Variants in PARP1 observed in about 807,000 individuals in gnomAD.
PARP1 encodes the protein poly(ADP-ribose) polymerase 1.
Under a neutral mutation model 118.7 loss-of-function variants are expected in PARP1, and 44 were observed. The observed-to-expected ratio is 0.37, with a 90% CI of 0.29 to 0.48. The LOEUF (loss-of-function observed/expected upper bound fraction) is 0.48, where lower values mean the gene tolerates loss of function less well. Among genes scored for constraint, PARP1 ranks in the 20% least tolerant of loss-of-function variants. PARP1 has a pLI of 0.99. For missense variants in PARP1, 1,100 were observed against 1,272.4 expected (o/e 0.86, Z 2.06); for synonymous variants, 492 against 483.2 (o/e 1.02, Z -0.24).
chr1:226,382,906 T>A, intron 8 of PARP1, 130 bp downstream of exon 8: 2 of 1,028,962 alleles, frequency 1.9e-6, no homozygotes, highest in Non-Finnish European at 3.0e-6. Context: ...AGGGCAAGGC[T>A]TCCCCATGGT....
At position 226,392,802 on chromosome 1, in the gene PARP1, G is replaced by A. The variant is rs1038789319; in HGVS notation, c.287-488C>T. The A allele has an allele frequency of 3.3e-5, 26 of 782,384 alleles. No individual in the cohort carries two copies. The African/African-American group carries it at 4.5e-4, about 14-fold the overall frequency. 48.5% of individuals were successfully genotyped at this position (782,384 alleles called of 1,614,324 possible). On this transcript the variant is annotated intron_variant, in intron 2 of 22. Transcript: ENST00000366794. ...TAAAGGTATCATTTCAAATTAGTGG[G>A]AAAAGGTTGAATTATTCAATAAAGA... is the stretch of plus-strand genomic sequence containing the variant.
At chr1:226,398,065 T>G (rs1434513029) in intron 2 of PARP1, among the ~76,000 whole-genome samples, 1 of 151,912 alleles carries the variant, frequency 6.6e-6, no homozygotes, top group Non-Finnish European at 1.5e-5. Flanking sequence ...GACACAAAAC[T>G]GTTAAACTTC....
intron 2 of PARP1, among the ~76,000 whole-genome samples, chr1:226,399,001 TAATCCAGAC>T (rs1664976396): frequency 6.6e-6 from 1 of 151,690 alleles, no homozygotes; most frequent in South Asian, 2.1e-4. Context: ...CAAACTGTGG[TAATCCAGAC>T]AATGGAATAT....
At chr1:226,372,032 G>A (rs370913730) in intron 14 of PARP1, among the ~76,000 whole-genome samples, 1 of 152,186 alleles carries the variant, frequency 6.6e-6, no homozygotes, top group East Asian at 1.9e-4. Context: ...GGGGACCCAC[G>A]AGCCCCAGCT....
At chr1:226,370,767 CCT>C (rs1201860229) in intron 14 of PARP1, 2 of 553,092 alleles carry the variant, frequency 3.6e-6, no homozygotes, top group Non-Finnish European at 6.6e-6. Context: ...CTCCTCTGCC[CCT>C]ATGCCCAGTT....
intron 15 of PARP1, among the ~76,000 whole-genome samples, chr1:226,369,405 T>C (rs1312982486): frequency 6.6e-6 from 1 of 152,182 alleles, no homozygotes; most frequent in Non-Finnish European, 1.5e-5. Flanking sequence ...CTGGTAGACC[T>C]TGAAAGATGC....
In PARP1 at chr1:226,406,454, T is replaced by G. The variant is rs1216135314; in HGVS notation, c.120+1356A>C. ...CTTCAAATTGTAGGCCCTGTCTACT[T>G]CCCTATTCTCATCTTTCTGCTCCAC... On this transcript the variant is annotated intron_variant, in intron 1 of 22. Coordinates refer to ENST00000366794, the MANE Select transcript of PARP1 (RefSeq NM_001618.4). Among the ~76,000 whole-genome samples, 3 of 152,168 alleles carry G rather than the reference T, an allele frequency of 2.0e-5. No homozygotes were observed. In the East Asian group the frequency reaches 5.8e-4, roughly 29 times the overall value.
At chr1:226,382,586 G>C (rs1432701516) in intron 8 of PARP1, among the ~76,000 whole-genome samples, 2 of 152,200 alleles carry the variant, frequency 1.3e-5, no homozygotes, top group African/African-American at 4.8e-5. Flanking sequence ...GTGTGCATTA[G>C]CGTGATCATA....
chr1:226,375,307 G>A (rs571270428), intron 13 of PARP1, among the ~76,000 whole-genome samples: 1 of 152,314 alleles, frequency 6.6e-6, no homozygotes, highest in South Asian at 2.1e-4. Context: ...CCCTATTTAA[G>A]TGCATCTACC....
chr1:226,361,302 T>A lies in PARP1; in HGVS notation c.*158A>T, dbSNP rs1664131095. 1.2e-5 allele frequency: 8 copies of A among 694,294 alleles called. No homozygotes were observed. Among genetic ancestry groups the A allele is most frequent in the Non-Finnish European group, 5.4e-6 (2 of 372,392 alleles). The allele number at this position is 694,294 out of a possible 1,614,324, so 43.0% of individuals were successfully genotyped here. A position where few individuals can be genotyped will look rare whatever the true frequency, so the allele number is the denominator to read the frequency against. ...ACACAAAACAAGGGACTTGAGAAGT[T>A]AGAGAAAACCTTTAACACGTTTCTG... On this transcript the variant is annotated 3_prime_UTR_variant, in exon 23 of 23. Coordinates refer to ENST00000366794, the MANE Select transcript of PARP1 (RefSeq NM_001618.4).
rs752904292 is a variant in PARP1 at position 226,361,520 on chromosome 1, A to C, written c.2985T>G (p.Ala995=). 1 of 1,611,848 alleles carries C rather than the reference A, an allele frequency of 6.2e-7. No individual in the cohort carries two copies. The highest frequency in any genetic ancestry group is 8.5e-7 in the Non-Finnish European group (1 of 1,178,068). The stretch of plus-strand genomic sequence containing the variant: ...TCAGCAGATACTTCAGATTTACCTG[A>C]GCAATATCATAGACAATGTACCTGA... ...LYNEYIVYDI[A]QVNLKYLLKL... The change falls in exon 23 of 23, where the codon GCT becomes GCG. Residue 995 remains alanine, a synonymous_variant. Transcript: ENST00000366794.
Position 226,392,288 on chromosome 1 carries a change from T to C in PARP1, c.313A>G (p.Lys105Glu), listed in dbSNP as rs1289654275. 3.1e-6 allele frequency: 5 copies of C among 1,614,002 alleles called. No individual in the cohort carries two copies. Among genetic ancestry groups the C allele is most frequent in the Non-Finnish European group, 1.7e-6 (2 of 1,179,928 alleles). Residue 105 changes from lysine to glutamate, a missense_variant, in exon 3 of 23, where the codon AAG (lysine) becomes GAG (glutamate). Physicochemically the swap from Lys to Glu is moderately conservative, Grantham distance 56 (BLOSUM62 1). Coordinates refer to ENST00000366794, the MANE Select transcript of PARP1 (RefSeq NM_001618.4). ...AAGTCACCCAGAGTCTTCTCTGCCT[T>C]GCTACCAATTCCATCCTGGCCTTTG... Reference protein sequence around the residue: ...TGKGQDGIGSKAEKTLGDFAA... With the variant: ...TGKGQDGIGSEAEKTLGDFAA...
Position 226,405,502 on chromosome 1 carries a change from C to T in PARP1, c.120+2308G>A, listed in dbSNP as rs533887999. Among the ~76,000 whole-genome samples the T allele has an allele frequency of 1.6e-3, 242 of 152,216 alleles. 2 individuals carry two copies. The highest frequency in any genetic ancestry group is 5.4e-3 in the African/African-American group (224 of 41,554). On this transcript the variant is annotated intron_variant, in intron 1 of 22. Coordinates refer to ENST00000366794, the MANE Select transcript of PARP1 (RefSeq NM_001618.4). ...TGCATTTTTTTGTAGAGACAGGTTT[C>T]ACCATGTTGGCCAGGCTGGTCTCAA...
intron 12 of PARP1, among the ~76,000 whole-genome samples, chr1:226,378,792 G>A (rs933014655): frequency 3.3e-5 from 5 of 152,142 alleles, no homozygotes; most frequent in East Asian, 1.9e-4. Flanking sequence ...CTGTGATTAC[G>A]CCACTGCACT....
rs374761822 is a variant in PARP1, at chr1:226,374,376, C to G, written c.1942-22G>C. 34 of 1,614,146 alleles carry G rather than the reference C, an allele frequency of 2.1e-5. No homozygotes were observed. In the African/African-American group the frequency reaches 4.4e-4, roughly 21 times the overall value. On this transcript the variant is annotated intron_variant, in intron 13 of 22. Coordinates refer to ENST00000366794, the MANE Select transcript of PARP1 (RefSeq NM_001618.4). ...CATCCTTCAGGAAAAAAGCACATTG[C>G]TAAGAGACCCAAATCAACAACTCAA...
intron 7 of PARP1, among the ~76,000 whole-genome samples, chr1:226,384,669 A>G (rs1214804238): frequency 1.3e-5 from 2 of 152,226 alleles, no homozygotes; most frequent in Non-Finnish European, 1.5e-5. Flanking sequence ...GGTCAGATTT[A>G]TTTTAGAGGA....
At chr1:226,399,073 C>CTTTTTT (rs34094559) in intron 2 of PARP1, among the ~76,000 whole-genome samples, 1 of 125,794 alleles carries the variant, frequency 7.9e-6, no homozygotes. Context: ...ATGGAGGAAT[C>CTTTTTT]TTTTTTTTTT....
chr1:226,403,424 C>T (rs1015141738), intron 1 of PARP1, among the ~76,000 whole-genome samples: 6 of 152,342 alleles, frequency 3.9e-5, no homozygotes, highest in Non-Finnish European at 7.3e-5. Context: ...GTGACCCGCC[C>T]GCCTCGGCTT....
chr1:226,380,579 G>C (rs1031700510), intron 9 of PARP1, among the ~76,000 whole-genome samples: 1 of 152,176 alleles, frequency 6.6e-6, no homozygotes, highest in Non-Finnish European at 1.5e-5. Context: ...TGTTTTGGCA[G>C]ATATCTATGC....
Sources: allele counts gnomAD v4.1 joint callset (sites outside exome capture counted in the v4.1 genomes callset), GRCh38; gene constraint gnomAD v4.1.1; transcripts MANE v1.5; gene names NCBI Gene and HGNC (gene_info 2026-07-23, HGNC 2026-07-21).